Variants in IGF1R observed in about 807,000 individuals in gnomAD.
IGF1R encodes insulin like growth factor 1 receptor.
IGF1R carries 44 observed loss-of-function variants against 144.6 expected under a neutral mutation model. The observed-to-expected ratio is 0.30, with a 90% CI of 0.24 to 0.39. IGF1R has a LOEUF of 0.39. Ranked by LOEUF, IGF1R falls within the 10% of genes least tolerant of loss-of-function variation. The probability of loss-of-function intolerance (pLI) is 1.00; values close to 1 mark genes in which losing one functional copy is unlikely to be tolerated. For synonymous variants in IGF1R, 795 were observed against 722.8 expected, an observed-to-expected ratio of 1.10 and a Z score of -1.60; for missense variants, 1,355 against 1,833.7, an observed-to-expected ratio of 0.74 and a Z score of 4.77.
At chr15:98,672,146 A>T (rs2141198027) in intron 1 of IGF1R, among the ~76,000 whole-genome samples, 1 of 152,282 alleles carries the variant, frequency 6.6e-6, no homozygotes, top group African/African-American at 2.4e-5. Flanking sequence ...CACACGTTTC[A>T]TTTTTGCCTG....
Position 98,911,401 on chromosome 15 carries a change from T to G in IGF1R, c.1549T>G (p.Tyr517Asp), listed in dbSNP as rs1270232586. Reference sequence around the variant, plus strand: ...CTGGCACCGGTACCGGCCCCCTGACTACAGGGATCTCATCAGCTTCACCGT... The same window carrying G: ...CTGGCACCGGTACCGGCCCCCTGACGACAGGGATCTCATCAGCTTCACCGT... ...ITWHRYRPPD[Y>D]RDLISFTVYY... The change falls in exon 7 of 21, where the codon TAC becomes GAC. Residue 517 changes from tyrosine (Y) to aspartate (D), a missense_variant. This residue lies in a region of IGF1R where 880 missense variants were observed against 1,202.7 expected (regional missense o/e 0.73). Transcript: ENST00000650285. 6.2e-7 allele frequency: 1 copy of G among 1,614,086 alleles called. No homozygotes were observed. Among genetic ancestry groups the G allele is most frequent in the Non-Finnish European group, 8.5e-7 (1 of 1,180,028 alleles).
intron 2 of IGF1R, among the ~76,000 whole-genome samples, chr15:98,803,590 C>T (rs953725434): frequency 2.5e-4 from 38 of 151,966 alleles, no homozygotes; most frequent in African/African-American, 8.7e-4. Context: ...ACTGCAGCCT[C>T]GACCGCCAAG....
At chr15:98,685,778 C>T (rs1017979240) in intron 1 of IGF1R, among the ~76,000 whole-genome samples, 4 of 152,242 alleles carry the variant, frequency 2.6e-5, no homozygotes, top group Non-Finnish European at 4.4e-5. Context: ...CTCACCACTC[C>T]ACCGCAGGTA....
intron 10 of IGF1R, among the ~76,000 whole-genome samples, chr15:98,919,603 GT>G (rs1172783351): frequency 6.6e-6 from 1 of 152,204 alleles, no homozygotes; most frequent in African/African-American, 2.4e-5. Flanking sequence ...AGTTTCCTGT[GT>G]TCTACTGGAG....
At chr15:98,803,275 A>T (rs969557850) in intron 2 of IGF1R, among the ~76,000 whole-genome samples, 1 of 152,188 alleles carries the variant, frequency 6.6e-6, no homozygotes, top group Non-Finnish European at 1.5e-5. Context: ...GCTGTAGGCA[A>T]TGGTAACACA....
intron 2 of IGF1R, among the ~76,000 whole-genome samples, chr15:98,883,962 T>C (rs1009676673): frequency 6.6e-6 from 1 of 152,174 alleles, no homozygotes; most frequent in Non-Finnish European, 1.5e-5. Flanking sequence ...ACCATGTTCA[T>C]GAGGCTCCAG....
rs1182349670 is a variant in IGF1R at position 98,960,662 on chromosome 15, A to C, written c.*3220A>C. The C allele has an allele frequency of 1.3e-5, 3 of 233,218 alleles. No individual in the cohort carries two copies. Among genetic ancestry groups the C allele is most frequent in the Non-Finnish European group, 2.5e-5 (3 of 118,108 alleles). 14.4% of individuals were successfully genotyped at this position (233,218 alleles called of 1,614,324 possible). The stretch of plus-strand genomic sequence containing the variant: ...GCGGCCATGGCTGCTGCATTCATTG[A>C]GCACAAAGGTGCAGCTGCAGCAGCA... On this transcript the variant is annotated 3_prime_UTR_variant, in exon 21 of 21. Coordinates refer to ENST00000650285, the MANE Select transcript of IGF1R (RefSeq NM_000875.5).
chr15:98,915,633 A>G (rs2015211390), intron 8 of IGF1R, among the ~76,000 whole-genome samples: 1 of 152,240 alleles, frequency 6.6e-6, no homozygotes, highest in Admixed American at 6.5e-5. Context: ...GTTGTAATAA[A>G]TGAGAAATAC....
At chr15:98,706,751 A>G (rs2053872580) in intron 1 of IGF1R, among the ~76,000 whole-genome samples, 1 of 152,142 alleles carries the variant, frequency 6.6e-6, no homozygotes. Flanking sequence ...CTTCATTTAT[A>G]GAGAGTGGAT....
intron 2 of IGF1R, among the ~76,000 whole-genome samples, chr15:98,762,259 A>G (rs1188201691): frequency 2.0e-5 from 2 of 102,432 alleles, no homozygotes; most frequent in South Asian, 3.1e-4. Context: ...TTTTTTTGAG[A>G]TGGAGTCTGG....
intron 2 of IGF1R, among the ~76,000 whole-genome samples, chr15:98,881,530 C>G (rs373615207): frequency 6.6e-6 from 1 of 152,198 alleles, no homozygotes; most frequent in South Asian, 2.1e-4. Flanking sequence ...ACCATGTTGA[C>G]CAGGCTGGTC....
chr15:98,934,581 G>A (rs1299907003), intron 15 of IGF1R, among the ~76,000 whole-genome samples: 2 of 152,064 alleles, frequency 1.3e-5, no homozygotes, highest in Non-Finnish European at 2.9e-5. Flanking sequence ...CCTTCTATCT[G>A]TTAGTATCCT....
intron 2 of IGF1R, among the ~76,000 whole-genome samples, chr15:98,806,211 G>A (rs932759373): frequency 1.3e-5 from 2 of 152,196 alleles, no homozygotes; most frequent in Non-Finnish European, 2.9e-5. Context: ...TATGTCCAGA[G>A]TGGACAGGAC....
At position 98,707,153 on chromosome 15, in the gene IGF1R, G is replaced by A. The variant is rs2053884432; in HGVS notation, c.95-409G>A. Among the ~76,000 whole-genome samples the A allele has an allele frequency of 6.6e-6, 1 of 152,296 alleles. No individual in the cohort carries two copies. The highest frequency in any genetic ancestry group is 2.1e-4 in the South Asian group (1 of 4,828). The stretch of plus-strand genomic sequence containing the variant: ...AGTAGTAAGTTATTGATACTTGGCT[G>A]CTGAGCTGTCGTTCAGGCCTTGGCA... On this transcript the variant is annotated intron_variant, in intron 1 of 20. Coordinates refer to ENST00000650285, the MANE Select transcript of IGF1R (RefSeq NM_000875.5). This position sits in a 1 kb window ranked among gnomAD's most constrained non-coding sequence, Gnocchi z 6.7.
At chr15:98,698,847 GT>G (rs1488602296) in intron 1 of IGF1R, among the ~76,000 whole-genome samples, 1 of 152,242 alleles carries the variant, frequency 6.6e-6, no homozygotes, top group Non-Finnish European at 1.5e-5. Flanking sequence ...GAACAGATGA[GT>G]GGGATTTCTA....
chr15:98,664,810 A>G (rs28742179), intron 1 of IGF1R, among the ~76,000 whole-genome samples: 42,509 of 151,310 alleles, frequency 0.28, 11,457 homozygotes, highest in African/African-American at 0.71. Context: ...AGCTGATACT[A>G]TTGTTGCTAA....
chr15:98,849,880 T>C (rs2011471559), intron 2 of IGF1R, among the ~76,000 whole-genome samples: 1 of 152,208 alleles, frequency 6.6e-6, no homozygotes, highest in African/African-American at 2.4e-5. Flanking sequence ...ACTTCTCATA[T>C]TGGAAAAAAT....
At chr15:98,744,429 A>G (rs1253844588) in intron 2 of IGF1R, among the ~76,000 whole-genome samples, 1 of 152,118 alleles carries the variant, frequency 6.6e-6, no homozygotes, top group Non-Finnish European at 1.5e-5. Flanking sequence ...GATGGCTGGA[A>G]GCAGCTCTGG....
intron 20 of IGF1R, among the ~76,000 whole-genome samples, chr15:98,952,461 C>G (rs534197866): frequency 6.6e-6 from 1 of 152,302 alleles, no homozygotes; most frequent in South Asian, 2.1e-4. Context: ...CTGATGACCA[C>G]TGAATCTGCA....
Sources: allele counts gnomAD v4.1 joint callset (sites outside exome capture counted in the v4.1 genomes callset), GRCh38; gene constraint gnomAD v4.1.1; regional missense constraint gnomAD v4.1.1; non-coding constraint Gnocchi (gnomAD v3.1); transcripts MANE v1.5; gene names NCBI Gene and HGNC (gene_info 2026-07-23, HGNC 2026-07-21).